The following UQCC2 variants were observed in gnomAD, a reference collection of about 807,000 sequenced individuals.
UQCC2 encodes breast cancer-associated protein SGA-81M.
Under a neutral mutation model 19.9 loss-of-function variants are expected in UQCC2, and 21 were observed. The ratio of observed to expected loss-of-function variants is 1.05; its 90% CI spans 0.75 to 1.52. UQCC2 has a LOEUF of 1.52. UQCC2 is among the 40% of genes most tolerant of loss of function. UQCC2 has a pLI of 0.00. For missense variants in UQCC2, 135 were observed against 157.5 expected, an observed-to-expected ratio of 0.86 and a Z score of 0.76; for synonymous variants, 57 against 60.9, an observed-to-expected ratio of 0.94 and a Z score of 0.30.
rs542791501 is a variant in UQCC2, at chr6:33,711,479, G to C, written c.138+70C>G. ...CGCGCATGCGCAGATCCCCCTGCTA[G>C]CGCGCTCGTTGGCCCCGCCCCTGCC... On this transcript the variant is annotated intron_variant, in intron 1 of 3. Transcript: ENST00000607484. The C allele has an allele frequency of 4.4e-4, 665 of 1,511,900 alleles. 1 individual carries two copies. In the African/African-American group the frequency reaches 5.2e-3, roughly 12 times the overall value. The allele number at this position is 1,511,900 out of a possible 1,614,324, so 93.7% of individuals were successfully genotyped here.
intron 2 of UQCC2, among the ~76,000 whole-genome samples, 155 bp from the exon 3 acceptor site, chr6:33,700,668 C>T (rs973523679): frequency 6.6e-6 from 1 of 152,192 alleles, no homozygotes; most frequent in African/African-American, 2.4e-5. Flanking sequence ...GACTTGGCCT[C>T]GCAAGAACCA....
intron 1 of UQCC2, among the ~76,000 whole-genome samples, chr6:33,711,258 C>T (rs1011166837): frequency 6.6e-6 from 1 of 152,194 alleles, no homozygotes; most frequent in Non-Finnish European, 1.5e-5. Flanking sequence ...GCGATCCTCC[C>T]GCCTCGGCCT....
intron 1 of UQCC2, among the ~76,000 whole-genome samples, chr6:33,706,729 G>C (rs954963807): frequency 1.3e-5 from 2 of 152,228 alleles, no homozygotes; most frequent in African/African-American, 4.8e-5. Context: ...GGGCTTTTAA[G>C]GGGAACCCAG....
chr6:33,701,579 A>G (rs1765641093), intron 1 of UQCC2, among the ~76,000 whole-genome samples, 159 bp from the exon 2 acceptor site: 1 of 152,186 alleles, frequency 6.6e-6, no homozygotes, highest in Non-Finnish European at 1.5e-5. Flanking sequence ...CCTGGACTAC[A>G]GCTCTGCTAT....
chr6:33,700,505 G>A lies in UQCC2; in HGVS notation c.222C>T (p.Arg74=), dbSNP rs1482630697. The A allele has an allele frequency of 1.2e-6, 2 of 1,614,174 alleles. No individual in the cohort carries two copies. Among genetic ancestry groups the A allele is most frequent in the East Asian group, 2.2e-5 (1 of 44,876 alleles). ...HSNYYKHKYP[R]PRDTSFSGLS... ...GGCCACTGAAGCTGGTGTCTCTGGGGCGAGGGTACTGGTCACCGGGGCAGA... is the reference window on the plus strand; with the variant it reads ...GGCCACTGAAGCTGGTGTCTCTGGGACGAGGGTACTGGTCACCGGGGCAGA... The change falls in exon 3 of 4, where the codon CGC becomes CGT. Residue 74 remains arginine, a synonymous_variant. Coordinates refer to ENST00000607484, the MANE Select transcript of UQCC2 (RefSeq NM_032340.4).
intron 1 of UQCC2, among the ~76,000 whole-genome samples, chr6:33,711,045 A>C (rs1434392867): frequency 6.6e-6 from 1 of 152,218 alleles, no homozygotes; most frequent in Admixed American, 6.5e-5. Context: ...CGTGACAAGG[A>C]AGCAAAAAGC....
chr6:33,711,634 A>T lies in UQCC2; in HGVS notation c.53T>A (p.Val18Glu), dbSNP rs372436334. ...GTCCCGGCCCCGTTTGGTCTCGTCC[A>T]CTGGCCATTCCTCACAGAGCTTAAG... is the stretch of plus-strand genomic sequence containing the variant. ...RFLKLCEEWP[V>E]DETKRGRDLG... The change falls in exon 1 of 4, where the codon GTG becomes GAG. Residue 18 changes from valine to glutamate, a missense_variant. Physicochemically the swap from Val to Glu is moderately radical, Grantham distance 121. Coordinates refer to ENST00000607484, the MANE Select transcript of UQCC2 (RefSeq NM_032340.4). 1.2e-6 allele frequency: 2 copies of T among 1,614,012 alleles called. No individual in the cohort carries two copies. Among genetic ancestry groups the T allele is most frequent in the African/African-American group, 2.7e-5 (2 of 75,068 alleles).
At chr6:33,707,589 T>C (rs1271744228) in intron 1 of UQCC2, among the ~76,000 whole-genome samples, 1 of 152,212 alleles carries the variant, frequency 6.6e-6, no homozygotes, top group Non-Finnish European at 1.5e-5. Context: ...ACAATACAGT[T>C]AGAACTCCCT....
At chr6:33,700,405 T>C (rs770051559) in intron 3 of UQCC2, 39 bp downstream of exon 3, 1 of 1,608,624 alleles carries the variant, frequency 6.2e-7, no homozygotes, top group Non-Finnish European at 8.5e-7. Context: ...TCAGAATCAT[T>C]TGCAAACCAA....
intron 1 of UQCC2, among the ~76,000 whole-genome samples, chr6:33,708,817 G>A (rs1042394382): frequency 3.9e-5 from 6 of 152,150 alleles, no homozygotes; most frequent in Non-Finnish European, 8.8e-5. Context: ...AAGGAATTGC[G>A]CCCTTCAAAA....
At chr6:33,700,233 TAAAG>T (rs1000069937) in intron 3 of UQCC2, among the ~76,000 whole-genome samples, 5 of 152,200 alleles carry the variant, frequency 3.3e-5, no homozygotes, top group African/African-American at 9.7e-5. Flanking sequence ...TTAAAAGCCC[TAAAG>T]ATAGATTTTC....
chr6:33,697,658 C>A lies in UQCC2; in HGVS notation c.376G>T (p.Ala126Ser). The A allele has an allele frequency of 6.2e-7, 1 of 1,612,696 alleles. No homozygotes were observed. Among genetic ancestry groups the A allele is most frequent in the South Asian group, 1.1e-5 (1 of 90,976 alleles). ...APKGPEEDHKA is the reference protein window; with the variant it reads ...APKGPEEDHKS ...GCACGAGGTAAGGCCTGAGCTCAGG[C>A]CTTATGATCCTCCTCAGGACCCTTG... is the stretch of plus-strand genomic sequence containing the variant. Residue 126 changes from alanine (A) to serine (S), a missense_variant, in exon 4 of 4, where the codon GCC (alanine) becomes TCC (serine). Transcript: ENST00000607484.
intron 1 of UQCC2, among the ~76,000 whole-genome samples, chr6:33,706,522 G>A (rs907748003): frequency 1.3e-5 from 2 of 152,192 alleles, no homozygotes; most frequent in African/African-American, 4.8e-5. Context: ...AGCACGGGCC[G>A]CTGCACGAGA....
At chr6:33,701,031 A>G (rs368488458) in intron 2 of UQCC2, among the ~76,000 whole-genome samples, 20 of 152,342 alleles carry the variant, frequency 1.3e-4, no homozygotes, top group African/African-American at 4.8e-4. Context: ...CAGTTCCGTC[A>G]GAGTGGATGG....
chr6:33,703,635 A>T (rs1765665715), intron 1 of UQCC2, among the ~76,000 whole-genome samples: 1 of 7,748 alleles, frequency 1.3e-4, no homozygotes. Flanking sequence ...AATACACTTA[A>T]AAAAAAAAAA....
Position 33,701,496 on chromosome 6 carries a change from C to T in UQCC2, c.139-76G>A. On this transcript the variant is annotated intron_variant, in intron 1 of 3. Coordinates refer to ENST00000607484, the MANE Select transcript of UQCC2 (RefSeq NM_032340.4). Reference sequence around the variant, plus strand: ...ACAGTGTCTGTACCTTGAGGAAAGACCATACTTAATAAAGCGTTCACATGA... The same window carrying T: ...ACAGTGTCTGTACCTTGAGGAAAGATCATACTTAATAAAGCGTTCACATGA... The T allele has an allele frequency of 7.6e-6, 11 of 1,441,478 alleles. No homozygotes were observed. In the East Asian group the frequency reaches 9.4e-5, roughly 12 times the overall value. The allele number at this position is 1,441,478 out of a possible 1,614,324, so 89.3% of individuals were successfully genotyped here.
At chr6:33,697,976 C>T (rs1765587730) in intron 3 of UQCC2, 1 of 552,526 alleles carries the variant, frequency 1.8e-6, no homozygotes. Flanking sequence ...AGCACGCTGT[C>T]AGTGGTCTCC....
intron 1 of UQCC2, among the ~76,000 whole-genome samples, chr6:33,704,335 C>T (rs1765674301): frequency 6.6e-6 from 1 of 152,192 alleles, no homozygotes; most frequent in African/African-American, 2.4e-5. Flanking sequence ...GGCGCATGTA[C>T]CGGCAAGGGA....
Position 33,701,439 on chromosome 6 carries a change from CA to C in UQCC2, c.139-20del. 6.2e-7 allele frequency: 1 copy of C among 1,612,374 alleles called. No homozygotes were observed. Reference sequence around the variant, plus strand: ...CTGCAACCTGAAAAGCAAAGAATCCCAAAGGAGGTGAGCAAAGGAGTCCTGC... The same window carrying C: ...CTGCAACCTGAAAAGCAAAGAATCCCAAGGAGGTGAGCAAAGGAGTCCTGC... On this transcript the variant is annotated intron_variant, in intron 1 of 3. Transcript: ENST00000607484.
Sources: gnomAD v4.1 joint callset for allele counts (sites outside exome capture counted in the v4.1 genomes callset) on GRCh38, gnomAD v4.1.1 for gene constraint, MANE v1.5 for transcripts, NCBI Gene and HGNC (gene_info 2026-07-23, HGNC 2026-07-21) for gene names.